The following GPR137C variants were observed in gnomAD, a reference collection of about 807,000 sequenced individuals.
GPR137C encodes the protein G protein-coupled receptor 137C, also known as integral membrane protein GPR137C.
GPR137C carries 27 observed loss-of-function variants against 43.4 expected under a neutral mutation model. That is an observed-to-expected ratio of 0.62 (90% CI 0.46 to 0.86). GPR137C has a LOEUF of 0.86. GPR137C is among the 40% of genes least tolerant of loss of function. The probability of loss-of-function intolerance (pLI) is 0.00; values close to 1 mark genes in which losing one functional copy is unlikely to be tolerated. For missense variants in GPR137C, 522 were observed against 534.6 expected, an observed-to-expected ratio of 0.98 and a Z score of 0.23; for synonymous variants, 285 against 226.9, an observed-to-expected ratio of 1.26 and a Z score of -2.30.
chr14:52,585,814 G>A (rs752889869), intron 1 of GPR137C, among the ~76,000 whole-genome samples: 4 of 151,982 alleles, frequency 2.6e-5, no homozygotes, highest in South Asian at 4.1e-4. Flanking sequence ...CAACCTGGGC[G>A]ATAGAGGGAG....
intron 1 of GPR137C, among the ~76,000 whole-genome samples, chr14:52,585,202 CAA>C (rs573876724): frequency 2.6e-5 from 4 of 152,274 alleles, no homozygotes; most frequent in South Asian, 4.1e-4. Flanking sequence ...TTTATTATAA[CAA>C]AGAGCTGGTT....
At chr14:52,580,007 T>G (rs886864190) in intron 1 of GPR137C, among the ~76,000 whole-genome samples, 6 of 152,324 alleles carry the variant, frequency 3.9e-5, no homozygotes, top group Middle Eastern at 6.8e-3. Context: ...AAAGCCAGAT[T>G]TCCAAATGCC....
chr14:52,561,573 A>G (rs940146280), intron 1 of GPR137C, among the ~76,000 whole-genome samples: 5 of 152,228 alleles, frequency 3.3e-5, no homozygotes, highest in Non-Finnish European at 7.3e-5. Flanking sequence ...CACTGAAATT[A>G]ACCCAGATGT....
intron 1 of GPR137C, among the ~76,000 whole-genome samples, chr14:52,590,328 T>C (rs1050217344): frequency 6.6e-6 from 1 of 152,240 alleles, no homozygotes; most frequent in Non-Finnish European, 1.5e-5. Flanking sequence ...ATTTGTGTTT[T>C]AAGCCAAGGG....
At chr14:52,581,684 A>G (rs562532564) in intron 1 of GPR137C, among the ~76,000 whole-genome samples, 41 of 152,336 alleles carry the variant, frequency 2.7e-4, no homozygotes, top group Admixed American at 2.0e-3. Context: ...AACTTAAGCA[A>G]TTGATATGGA....
chr14:52,577,399 C>T (rs1027383167), intron 1 of GPR137C, among the ~76,000 whole-genome samples: 1 of 151,736 alleles, frequency 6.6e-6, no homozygotes, highest in Admixed American at 6.6e-5. Context: ...TTCAGATTAA[C>T]ACTAATGTTA....
intron 3 of GPR137C, 34 bp from the exon 4 acceptor site, chr14:52,632,126 G>A (rs775053066): frequency 5.9e-6 from 9 of 1,524,514 alleles, no homozygotes; most frequent in Non-Finnish European, 8.2e-6. Flanking sequence ...CAAATGTGTA[G>A]AATACTAAAG....
chr14:52,603,135 T>C (rs568217449), intron 3 of GPR137C, among the ~76,000 whole-genome samples: 1 of 152,306 alleles, frequency 6.6e-6, no homozygotes, highest in African/African-American at 2.4e-5. Flanking sequence ...TAACCATTAT[T>C]CTACTCTACC....
chr14:52,630,447 T>A (rs2039281761), intron 3 of GPR137C, among the ~76,000 whole-genome samples: 1 of 145,546 alleles, frequency 6.9e-6, no homozygotes, highest in Non-Finnish European at 1.5e-5. Flanking sequence ...TTAGATTAAC[T>A]TTTATTAACT....
intron 3 of GPR137C, among the ~76,000 whole-genome samples, chr14:52,619,332 T>A (rs990213456): frequency 4.6e-5 from 7 of 152,146 alleles, no homozygotes; most frequent in Non-Finnish European, 8.8e-5. Context: ...GAGAGAGTGA[T>A]GGTAGAAAAA....
intron 1 of GPR137C, among the ~76,000 whole-genome samples, chr14:52,573,782 A>G (rs545009971): frequency 4.1e-4 from 62 of 152,360 alleles, no homozygotes; most frequent in African/African-American, 1.4e-3. Context: ...CAGAGTGAAC[A>G]GGCAACCTAC....
intron 1 of GPR137C, among the ~76,000 whole-genome samples, chr14:52,587,156 C>T (rs1472866298): frequency 6.6e-6 from 1 of 152,140 alleles, no homozygotes; most frequent in Admixed American, 6.6e-5. Flanking sequence ...TATTCAAACA[C>T]TGTCTGAAAA....
intron 4 of GPR137C, 71 bp downstream of exon 4, chr14:52,632,380 T>C (rs565478803): frequency 1.7e-5 from 19 of 1,097,160 alleles, no homozygotes; most frequent in Non-Finnish European, 2.5e-5. Context: ...AAGAACACTG[T>C]AGTGTTTGAC....
At chr14:52,582,442 A>G (rs545976761) in intron 1 of GPR137C, among the ~76,000 whole-genome samples, 1 of 152,316 alleles carries the variant, frequency 6.6e-6, no homozygotes, top group Non-Finnish European at 1.5e-5. Context: ...TATTTGCAAT[A>G]CTCTCATCTT....
intron 1 of GPR137C, among the ~76,000 whole-genome samples, chr14:52,584,129 T>C (rs563218747): frequency 6.6e-6 from 1 of 152,288 alleles, no homozygotes; most frequent in Non-Finnish European, 1.5e-5. Flanking sequence ...TCCTCTACAA[T>C]AGTGCCCACA....
intron 1 of GPR137C, among the ~76,000 whole-genome samples, chr14:52,566,103 A>G (rs2038365545): frequency 6.6e-6 from 1 of 152,234 alleles, no homozygotes; most frequent in Non-Finnish European, 1.5e-5. Flanking sequence ...AGTTAAACAG[A>G]GTTATACATA....
At chr14:52,578,243 C>T (rs535866970) in intron 1 of GPR137C, among the ~76,000 whole-genome samples, 2 of 152,266 alleles carry the variant, frequency 1.3e-5, no homozygotes, top group Admixed American at 6.5e-5. Context: ...GAGACATTCT[C>T]GTATTTTTAA....
chr14:52,565,975 C>G (rs1331838929), intron 1 of GPR137C, among the ~76,000 whole-genome samples: 1 of 152,086 alleles, frequency 6.6e-6, no homozygotes, highest in African/African-American at 2.4e-5. Context: ...ACCTTGAATT[C>G]TAGTATGCTG....
At chr14:52,578,573 T>C (rs969621335) in intron 1 of GPR137C, among the ~76,000 whole-genome samples, 3 of 150,618 alleles carry the variant, frequency 2.0e-5, no homozygotes, top group African/African-American at 7.3e-5. Flanking sequence ...AAATCTGTAT[T>C]TTTTTTGCAT....
Sources: allele counts gnomAD v4.1 joint callset (sites outside exome capture counted in the v4.1 genomes callset), GRCh38; gene constraint gnomAD v4.1.1; transcripts MANE v1.5; gene names NCBI Gene and HGNC (gene_info 2026-07-23, HGNC 2026-07-21).